Variants in SREK1 observed in about 807,000 individuals in gnomAD.
The protein encoded by SREK1 is splicing regulatory glutamine/lysine-rich protein 1.
In SREK1, 13 loss-of-function variants were observed where a neutral mutation model predicts 66.5. That is an observed-to-expected ratio of 0.20 (90% CI 0.13 to 0.31). The LOEUF is 0.31. SREK1 is among the 10% of genes least tolerant of loss of function. SREK1 has a pLI of 1.00. For synonymous variants in SREK1, 265 were observed against 263.5 expected, an observed-to-expected ratio of 1.01 and a Z score of -0.05; for missense variants, 607 against 769.6, an observed-to-expected ratio of 0.79 and a Z score of 2.50.
chr5:66,177,780 T>A, intron 11 of SREK1, 122 bp downstream of exon 11: 3 of 649,468 alleles, frequency 4.6e-6, no homozygotes, highest in Non-Finnish European at 4.6e-6. Flanking sequence ...TATGGCATTT[T>A]AAAATATTTA....
intron 7 of SREK1, chr5:66,166,512 C>T (rs781500118): frequency 2.0e-5 from 3 of 151,990 alleles, no homozygotes; most frequent in Admixed American, 1.3e-4. Flanking sequence ...AGTCCGTTGC[C>T]GAGGCTGGAG....
chr5:66,164,072 C>A, intron 6 of SREK1, 150 bp downstream of exon 6: 1 of 907,020 alleles, frequency 1.1e-6, no homozygotes, highest in Non-Finnish European at 1.6e-6. Context: ...ATACTCATGT[C>A]AAAGAACAAC....
At chr5:66,149,549 AT>A (rs1743580912) in intron 1 of SREK1, among the ~76,000 whole-genome samples, 2 of 152,204 alleles carry the variant, frequency 1.3e-5, no homozygotes, top group South Asian at 4.1e-4. Context: ...ATTCCTGTGG[AT>A]GTTTTAAGTT....
chr5:66,178,874 A>G lies in SREK1; in HGVS notation c.*6A>G, dbSNP rs886293896. ...CCAAAACAGAAGCAGTATAGGACCG[A>G]CAAGTGTACCTCTGCACTCAATGCT... is the stretch of plus-strand genomic sequence containing the variant. On this transcript the variant is annotated 3_prime_UTR_variant, in exon 12 of 12. Transcript: ENST00000334121. 14 of 1,603,646 alleles carry G rather than the reference A, an allele frequency of 8.7e-6. No homozygotes were observed. In the African/African-American group the frequency reaches 1.9e-4, roughly 22 times the overall value.
At chr5:66,145,960 A>G (rs1489556457) in intron 1 of SREK1, among the ~76,000 whole-genome samples, 1 of 151,778 alleles carries the variant, frequency 6.6e-6, no homozygotes, top group African/African-American at 2.4e-5. Context: ...GTTTATATAG[A>G]TGAGATATAT....
At chr5:66,156,107 T>C in intron 2 of SREK1, 2 of 1,502,052 alleles carry the variant, frequency 1.3e-6, no homozygotes, top group Non-Finnish European at 1.8e-6. Flanking sequence ...CTTGCCTGAG[T>C]TAGGCATTGT....
intron 1 of SREK1, among the ~76,000 whole-genome samples, chr5:66,149,671 T>C (rs1743592707): frequency 6.6e-6 from 1 of 152,210 alleles, no homozygotes; most frequent in Non-Finnish European, 1.5e-5. Context: ...GTTTAGGAAA[T>C]GTTGCTTCAG....
In SREK1 at chr5:66,178,908, A is replaced by ATCCAAAGC; in HGVS notation, c.*42_*49dup. The ATCCAAAGC allele has an allele frequency of 6.6e-7, 1 of 1,518,754 alleles. No individual in the cohort carries two copies. Among genetic ancestry groups the ATCCAAAGC allele is most frequent in the Non-Finnish European group, 8.9e-7 (1 of 1,128,186 alleles). The allele number at this position is 1,518,754 out of a possible 1,614,324, so 94.1% of individuals were successfully genotyped here. A position where few individuals can be genotyped will look rare whatever the true frequency, so the allele number is the denominator to read the frequency against. On this transcript the variant is annotated 3_prime_UTR_variant, in exon 12 of 12. Coordinates refer to ENST00000334121, the MANE Select transcript of SREK1 (RefSeq NM_001077199.3). The stretch of plus-strand genomic sequence containing the variant: ...CCTCTGCACTCAATGCTGGAATCAA[A>ATCCAAAGC]TCCAAAGCTTTTAATTCTCTCAACA...
rs182798365 is a variant in SREK1, at chr5:66,170,435, C to T, written c.1122-150C>T. The T allele has an allele frequency of 1.4e-5, 16 of 1,174,604 alleles. No homozygotes were observed. The Admixed American group carries it at 3.7e-4, about 27-fold the overall frequency. The allele number at this position is 1,174,604 out of a possible 1,614,324, so 72.8% of individuals were successfully genotyped here. A position where few individuals can be genotyped will look rare whatever the true frequency, so the allele number is the denominator to read the frequency against. ...TATGAATAGCTTTGTTTAGCAGCTT[C>T]TTGTACACCTGAGCTATATAAAAAT... On this transcript the variant is annotated intron_variant, in intron 8 of 11. Transcript: ENST00000334121.
Position 66,178,819 on chromosome 5 carries a change from A to C in SREK1, c.1826A>C (p.Asn609Thr). ...GAAAACAAAATACAGCACAATGGGA[A>C]TTGTCAGCTGAATGAAGAAAACCTC... The part of the protein sequence containing the change: ...TEENKIQHNG[N>T]CQLNEENLST... Residue 609 changes from asparagine (N) to threonine (T), a missense_variant, in exon 12 of 12, where the codon AAT (asparagine) becomes ACT (threonine). Coordinates refer to ENST00000334121, the MANE Select transcript of SREK1 (RefSeq NM_001077199.3). 1 of 1,612,540 alleles carries C rather than the reference A, an allele frequency of 6.2e-7. No individual in the cohort carries two copies. The highest frequency in any genetic ancestry group is 2.2e-5 in the East Asian group (1 of 44,826).
intron 10 of SREK1, 99 bp downstream of exon 10, chr5:66,175,140 A>C: frequency 1.0e-6 from 1 of 955,590 alleles, no homozygotes. Flanking sequence ...TTATATTTTG[A>C]ATGAATAATA....
chr5:66,156,312 T>G (rs1449340337), intron 2 of SREK1: 10 of 1,308,002 alleles, frequency 7.6e-6, no homozygotes, highest in Non-Finnish European at 9.7e-6. Context: ...CACTTTAACT[T>G]GTGAGCTGGT....
intron 2 of SREK1, chr5:66,158,246 T>C (rs1201310773): frequency 1.3e-5 from 2 of 152,112 alleles, no homozygotes; most frequent in South Asian, 2.1e-4. Flanking sequence ...TTTTTCATTT[T>C]TTTAGGTTGT....
intron 2 of SREK1, chr5:66,158,817 C>T: frequency 7.8e-7 from 1 of 1,289,944 alleles, no homozygotes; most frequent in Non-Finnish European, 1.0e-6. Flanking sequence ...AGTGATGCAG[C>T]CAACACGAAC....
At chr5:66,178,009 A>C (rs1437884811) in intron 11 of SREK1, among the ~76,000 whole-genome samples, 1 of 152,062 alleles carries the variant, frequency 6.6e-6, no homozygotes, top group Non-Finnish European at 1.5e-5. Flanking sequence ...TGTGTAGTTA[A>C]CATTAGGTTT....
chr5:66,174,898 G>A (rs199985380), intron 9 of SREK1, 48 bp from the exon 10 acceptor site: 42 of 1,561,310 alleles, frequency 2.7e-5, no homozygotes, highest in Middle Eastern at 3.4e-4. Context: ...TTGAATTGCC[G>A]TTTATTTCAA....
rs1438177352 is a variant in SREK1, at chr5:66,144,578, A to G, written c.161+41A>G. 1.2e-5 allele frequency: 19 copies of G among 1,521,698 alleles called. No individual in the cohort carries two copies. The East Asian group carries it at 1.5e-4, about 12-fold the overall frequency. The allele number at this position is 1,521,698 out of a possible 1,614,324, so 94.3% of individuals were successfully genotyped here. On this transcript the variant is annotated intron_variant, in intron 1 of 11. Transcript: ENST00000334121. Reference sequence around the variant, plus strand: ...CGGCTGGGGGAGGGGCGCGGGCGCCATAGAGACCTCGGGAGCCGAGGCGTG... The same window carrying G: ...CGGCTGGGGGAGGGGCGCGGGCGCCGTAGAGACCTCGGGAGCCGAGGCGTG...
chr5:66,168,815 A>G (rs1219469144), intron 7 of SREK1: 3 of 152,232 alleles, frequency 2.0e-5, no homozygotes, highest in Non-Finnish European at 4.4e-5. Context: ...TAAAGTTTAC[A>G]TTTATGTTAA....
At chr5:66,163,433 T>G (rs563257060) in intron 5 of SREK1, 1 of 191,828 alleles carries the variant, frequency 5.2e-6, no homozygotes, top group Admixed American at 5.5e-5. Flanking sequence ...GTGTACAGGA[T>G]ATCAGTAAGA....
Sources: allele counts gnomAD v4.1 joint callset (sites outside exome capture counted in the v4.1 genomes callset), GRCh38; gene constraint gnomAD v4.1.1; transcripts MANE v1.5; gene names NCBI Gene and HGNC (gene_info 2026-07-23, HGNC 2026-07-21).